Variants in CYP19A1 observed in about 807,000 individuals in gnomAD.
CYP19A1 encodes cytochrome P450 family 19 subfamily A member 1.
CYP19A1 carries 32 observed loss-of-function variants against 44.4 expected under a neutral mutation model. That is an observed-to-expected ratio of 0.72 (90% CI 0.54 to 0.97). The LOEUF (loss-of-function observed/expected upper bound fraction) is 0.97, where lower values mean the gene tolerates loss of function less well. CYP19A1 is among the 50% of genes least tolerant of loss of function. The pLI, the probability that CYP19A1 is intolerant of heterozygous loss-of-function variation, is 0.00. For synonymous variants in CYP19A1, 212 were observed against 215.6 expected (o/e 0.98, Z 0.14); for missense variants, 598 against 637.8 (o/e 0.94, Z 0.67).
chr15:51,215,824 A>G lies in CYP19A1; in HGVS notation c.744-7T>C, dbSNP rs778904386. The G allele has an allele frequency of 1.5e-5, 25 of 1,613,368 alleles. No homozygotes were observed. Among genetic ancestry groups the G allele is most frequent in the South Asian group, 1.1e-4 (10 of 91,086 alleles). The stretch of plus-strand genomic sequence containing the variant: ...GGCATCTTTCAAATCCTTGCTGGAA[A>G]AAAAGTCAAAATATTGTCTATTTTT... On this transcript the variant is annotated splice_polypyrimidine_tract_variant and splice_region_variant and intron_variant, in intron 6 of 9. Transcript: ENST00000396402.
intron 1 of CYP19A1, among the ~76,000 whole-genome samples, chr15:51,295,499 G>C (rs1025213470): frequency 1.3e-5 from 2 of 152,178 alleles, no homozygotes; most frequent in Non-Finnish European, 2.9e-5. Flanking sequence ...CAAAGTCAGA[G>C]ACTGTGCCTT....
chr15:51,331,919 GTATA>G (rs535549575), intron 1 of CYP19A1, among the ~76,000 whole-genome samples: 1 of 147,164 alleles, frequency 6.8e-6, no homozygotes, highest in Non-Finnish European at 1.5e-5. Context: ...GTATGTGTGT[GTATA>G]TATATATATA....
chr15:51,281,924 G>T (rs764351289), intron 1 of CYP19A1, among the ~76,000 whole-genome samples: 1 of 152,132 alleles, frequency 6.6e-6, no homozygotes, highest in Non-Finnish European at 1.5e-5. Flanking sequence ...TTTTGGGATA[G>T]AAATGGAAGC....
At chr15:51,236,766 CAA>C in intron 3 of CYP19A1, 91 bp downstream of exon 3, 1 of 1,453,152 alleles carries the variant, frequency 6.9e-7, no homozygotes, top group Non-Finnish European at 9.6e-7. Flanking sequence ...GCGTTAGAAA[CAA>C]AGACATCAAG....
At chr15:51,263,860 G>A (rs1450267968) in intron 1 of CYP19A1, among the ~76,000 whole-genome samples, 2 of 152,252 alleles carry the variant, frequency 1.3e-5, no homozygotes, top group East Asian at 1.9e-4. Flanking sequence ...GCTAGGCAGT[G>A]TGGAGGTCCC....
chr15:51,290,784 A>G lies in CYP19A1; in HGVS notation c.-39+47711T>C, dbSNP rs115032834. Reference sequence around the variant, plus strand: ...CATGTTGCTCTATACATAGGGGTTGAGATTTTGCCTCCTTTTCCCAAGACT... The same window carrying G: ...CATGTTGCTCTATACATAGGGGTTGGGATTTTGCCTCCTTTTCCCAAGACT... On this transcript the variant is annotated intron_variant, in intron 1 of 9. Coordinates refer to ENST00000396402, the MANE Select transcript of CYP19A1 (RefSeq NM_000103.4). 9.1e-3 allele frequency among the ~76,000 whole-genome samples: 1,393 copies of G among 152,246 alleles called. 27 individuals carry two copies. The highest frequency in any genetic ancestry group is 0.033 in the African/African-American group (1,351 of 41,542).
intron 1 of CYP19A1, among the ~76,000 whole-genome samples, chr15:51,263,220 G>T (rs570453662): frequency 6.6e-6 from 1 of 152,194 alleles, no homozygotes; most frequent in African/African-American, 2.4e-5. Context: ...TCACTGAAGC[G>T]GAAGAGAGAG....
chr15:51,281,360 G>A (rs1299792169), intron 1 of CYP19A1, among the ~76,000 whole-genome samples: 1 of 152,182 alleles, frequency 6.6e-6, no homozygotes, highest in Admixed American at 6.5e-5. Context: ...AGGTTCCTGG[G>A]GCAGCAAGTA....
intron 1 of CYP19A1, among the ~76,000 whole-genome samples, chr15:51,297,884 G>A (rs2036033338): frequency 7.3e-6 from 1 of 137,052 alleles, no homozygotes; most frequent in Admixed American, 7.3e-5. Flanking sequence ...GGCCTGATGG[G>A]GGCCTAACAC....
Position 51,212,304 on chromosome 15 carries a change from A to T in CYP19A1, c.1263+16T>A. 6.4e-7 allele frequency: 1 copy of T among 1,564,566 alleles called. No homozygotes were observed. The highest frequency in any genetic ancestry group is 8.8e-7 in the Non-Finnish European group (1 of 1,134,934). On this transcript the variant is annotated intron_variant, in intron 9 of 9. Transcript: ENST00000396402. Reference sequence around the variant, plus strand: ...TTTCAAGAGTGGCACACTCAGTTTTAAGGAAGGGCTCTTACATTCTTTGCA... The same window carrying T: ...TTTCAAGAGTGGCACACTCAGTTTTTAGGAAGGGCTCTTACATTCTTTGCA...
chr15:51,215,835 A>T lies in CYP19A1; in HGVS notation c.744-18T>A. ...AATCCTTGCTGGAAAAAAAGTCAAAATATTGTCTATTTTTACTCAGTTTAG... is the reference window on the plus strand; with the variant it reads ...AATCCTTGCTGGAAAAAAAGTCAAATTATTGTCTATTTTTACTCAGTTTAG... On this transcript the variant is annotated intron_variant, in intron 6 of 9. Transcript: ENST00000396402. 1 of 1,612,966 alleles carries T rather than the reference A, an allele frequency of 6.2e-7. No homozygotes were observed. Among genetic ancestry groups the T allele is most frequent in the African/African-American group, 1.3e-5 (1 of 75,028 alleles).
At chr15:51,259,531 T>C (rs1439529716) in intron 1 of CYP19A1, among the ~76,000 whole-genome samples, 1 of 151,984 alleles carries the variant, frequency 6.6e-6, no homozygotes, top group Non-Finnish European at 1.5e-5. Context: ...TTGCCATAGG[T>C]TGGATGAGGT....
intron 4 of CYP19A1, among the ~76,000 whole-genome samples, chr15:51,225,163 T>C (rs974366755): frequency 3.3e-5 from 5 of 152,166 alleles, no homozygotes; most frequent in Non-Finnish European, 7.4e-5. Context: ...CTCTCCCCCA[T>C]TATAAGTTCC....
At chr15:51,252,003 G>A (rs1428893287) in intron 1 of CYP19A1, among the ~76,000 whole-genome samples, 3 of 152,106 alleles carry the variant, frequency 2.0e-5, no homozygotes, top group Non-Finnish European at 2.9e-5. Flanking sequence ...CTTTGTCTTA[G>A]CTGCCCCTCC....
chr15:51,304,512 C>A (rs1458908767), intron 1 of CYP19A1, among the ~76,000 whole-genome samples: 1 of 152,206 alleles, frequency 6.6e-6, no homozygotes, highest in African/African-American at 2.4e-5. Context: ...ACTCCCATGT[C>A]AAGTTAACCA....
At chr15:51,268,528 C>CA (rs1352968785) in intron 1 of CYP19A1, among the ~76,000 whole-genome samples, 3 of 128,736 alleles carry the variant, frequency 2.3e-5, no homozygotes, top group Non-Finnish European at 5.1e-5. Flanking sequence ...TTCCCCCCCC[C>CA]CCTTTTTTTT....
chr15:51,240,679 C>A (rs991268445), intron 2 of CYP19A1, among the ~76,000 whole-genome samples: 3 of 152,164 alleles, frequency 2.0e-5, no homozygotes, highest in African/African-American at 7.2e-5. Context: ...TCTAACTAGA[C>A]CTTCTGTTTT....
In CYP19A1 at chr15:51,210,282, T is replaced by G; in HGVS notation, c.*526A>C. ...CACAGCAAGGGTCAAATGCTGAATT[T>G]CTAAGCATTTCTCCAAAGACTATGA... On this transcript the variant is annotated 3_prime_UTR_variant, in exon 10 of 10. Transcript: ENST00000396402. 2.2e-6 allele frequency: 1 copy of G among 456,398 alleles called. No homozygotes were observed. The highest frequency in any genetic ancestry group is 1.6e-5 in the South Asian group (1 of 63,122). 28.3% of individuals were successfully genotyped at this position (456,398 alleles called of 1,614,324 possible).
intron 5 of CYP19A1, 144 bp downstream of exon 5, chr15:51,222,205 G>C: frequency 6.9e-7 from 1 of 1,457,558 alleles, no homozygotes; most frequent in Non-Finnish European, 9.2e-7. Flanking sequence ...AGAAACACTA[G>C]GGAAAAAAAC....
Sources: allele counts gnomAD v4.1 joint callset (sites outside exome capture counted in the v4.1 genomes callset), GRCh38; gene constraint gnomAD v4.1.1; transcripts MANE v1.5; gene names NCBI Gene and HGNC (gene_info 2026-07-23, HGNC 2026-07-21).